TCF20: variants seen among roughly 807,000 people sequenced by gnomAD.
TCF20 encodes the protein transcription factor 20.
A neutral mutation model predicts 148.6 loss-of-function variants in TCF20; 3 were observed. The ratio of observed to expected loss-of-function variants is 0.02; its 90% CI spans 0.01 to 0.05. TCF20 has a LOEUF of 0.05. TCF20 is among the 10% of genes least tolerant of loss of function. TCF20 has a pLI of 1.00. For missense variants in TCF20, 2,350 were observed against 2,429.3 expected, an observed-to-expected ratio of 0.97 and a Z score of 0.69; for synonymous variants, 1,049 against 909.5, an observed-to-expected ratio of 1.15 and a Z score of -2.76.
chr22:42,250,446 CAAAA>C (rs35668152), intron 1 of TCF20, among the ~76,000 whole-genome samples: 1 of 76,284 alleles, frequency 1.3e-5, no homozygotes, highest in Non-Finnish European at 2.6e-5. Context: ...AACTCCATCT[CAAAA>C]AAAAAAAAAA....
chr22:42,307,546 C>T (rs143027834), intron 1 of TCF20, among the ~76,000 whole-genome samples: 102 of 152,328 alleles, frequency 6.7e-4, no homozygotes, highest in Middle Eastern at 3.4e-3. Flanking sequence ...ATCTCTCTCC[C>T]GGCCAAGGGC....
rs1921146718 is a variant in TCF20, at chr22:42,212,819, A to AGGAGCTGTGCTGCTT, written c.2472_2486dup (p.Ser825_Pro829dup). 28 of 1,614,258 alleles carry AGGAGCTGTGCTGCTT rather than the reference A, an allele frequency of 1.7e-5. No individual in the cohort carries two copies. Among genetic ancestry groups the AGGAGCTGTGCTGCTT allele is most frequent in the Non-Finnish European group, 2.2e-5 (26 of 1,180,040 alleles). ...CAGTCAAATTGATCTGTTTCATTTC[A>AGGAGCTGTGCTGCTT]GGAGCTGTGCTGCTTGATTTCCTTT... is the stretch of plus-strand genomic sequence containing the variant. On this transcript the variant is annotated inframe_insertion, in exon 2 of 6. Transcript: ENST00000677622.
intron 1 of TCF20, among the ~76,000 whole-genome samples, chr22:42,341,239 C>CTAAT: frequency 6.6e-6 from 1 of 152,316 alleles, no homozygotes; most frequent in South Asian, 2.1e-4. Context: ...CGCCGTCACC[C>CTAAT]CGGGGGACAC....
At position 42,214,371 on chromosome 22, in the gene TCF20, C is replaced by T; in HGVS notation, c.935G>A (p.Gly312Glu). 6.2e-7 allele frequency: 1 copy of T among 1,613,680 alleles called. No homozygotes were observed. The highest frequency in any genetic ancestry group is 8.5e-7 in the Non-Finnish European group (1 of 1,179,910). ...TTGCTGCGGTTGCTGCTGCTGCTGC[C>T]CCTGTTGGGTCCCTTGTGGAATCTT... Reference protein sequence around the residue: ...QAKIPQGTQQGQQQQQPQQQQ... With the variant: ...QAKIPQGTQQEQQQQQPQQQQ... Residue 312 changes from glycine (G) to glutamate (E), a missense_variant, in exon 2 of 6, where the codon GGG becomes GAG. By Grantham distance (98) the Gly-to-Glu change is moderately conservative. Coordinates refer to ENST00000677622, the MANE Select transcript of TCF20 (RefSeq NM_001378418.1).
chr22:42,270,504 C>G lies in TCF20; in HGVS notation c.-202G>C, dbSNP rs1926552946. Among the ~76,000 whole-genome samples, 2 of 144,200 alleles carry G rather than the reference C, an allele frequency of 1.4e-5. No individual in the cohort carries two copies. Among genetic ancestry groups the G allele is most frequent in the Non-Finnish European group, 3.1e-5 (2 of 65,052 alleles). The allele number at this position is 144,200 out of a possible 152,430, so 94.6% of individuals were successfully genotyped here. ...GGGGCGGGCCGGGGCCGCGGCCCCT[C>G]GAGGCTCGCTCCGGCCCGCGCGCTC... On this transcript the variant is annotated 5_prime_UTR_variant, in exon 1 of 6. Coordinates refer to ENST00000677622, the MANE Select transcript of TCF20 (RefSeq NM_001378418.1).
intron 1 of TCF20, among the ~76,000 whole-genome samples, chr22:42,241,333 A>C (rs985326276): frequency 6.6e-6 from 1 of 152,228 alleles, no homozygotes; most frequent in Non-Finnish European, 1.5e-5. Flanking sequence ...TTATAGATCC[A>C]AAGGAACTCC....
At chr22:42,193,458 A>C (rs113036988) in intron 2 of TCF20, among the ~76,000 whole-genome samples, 2,792 of 151,876 alleles carry the variant, frequency 0.018, 45 homozygotes, top group Middle Eastern at 0.065. Context: ...CTACTTCCTT[A>C]GTAGCTGGGA....
At chr22:42,307,142 G>A (rs1398063853) in intron 1 of TCF20, among the ~76,000 whole-genome samples, 1 of 152,180 alleles carries the variant, frequency 6.6e-6, no homozygotes, top group Non-Finnish European at 1.5e-5. Flanking sequence ...GACAGCATGG[G>A]GTTGCCCCTG....
intron 1 of TCF20, among the ~76,000 whole-genome samples, chr22:42,222,489 C>G (rs552982802): frequency 3.4e-5 from 4 of 117,366 alleles, no homozygotes; most frequent in African/African-American, 1.0e-4. Flanking sequence ...CACCATCACA[C>G]CCCCCCATAG....
At chr22:42,192,564 TAGC>T (rs954815967) in intron 2 of TCF20, among the ~76,000 whole-genome samples, 7 of 152,224 alleles carry the variant, frequency 4.6e-5, no homozygotes, top group Middle Eastern at 3.4e-3. Context: ...GCTCAGGAAA[TAGC>T]AGAGTCCCAG....
intron 1 of TCF20, among the ~76,000 whole-genome samples, chr22:42,311,049 C>T (rs910880498): frequency 1.3e-5 from 2 of 152,188 alleles, no homozygotes; most frequent in Admixed American, 6.5e-5. Context: ...AAGGCTGGCC[C>T]GGTGGCATCC....
Position 42,161,280 on chromosome 22 carries a change from G to T in TCF20, c.*123C>A. The T allele has an allele frequency of 6.2e-7, 1 of 1,610,060 alleles. No homozygotes were observed. Among genetic ancestry groups the T allele is most frequent in the East Asian group, 2.2e-5 (1 of 44,850 alleles). On this transcript the variant is annotated 3_prime_UTR_variant, in exon 6 of 6. Coordinates refer to ENST00000677622, the MANE Select transcript of TCF20 (RefSeq NM_001378418.1). ...CACGCGGGCGGGGCGGGGCGGGGCA[G>T]GGCAGGGTGTGGCTGCACGGTAGGA...
intron 2 of TCF20, among the ~76,000 whole-genome samples, chr22:42,181,641 T>C (rs183032607): frequency 6.6e-6 from 1 of 150,786 alleles, no homozygotes; most frequent in Admixed American, 6.6e-5. Flanking sequence ...GATGTCTTGC[T>C]CTGTCACCCA....
intron 1 of TCF20, among the ~76,000 whole-genome samples, chr22:42,236,994 GCTGA>G (rs1923948389): frequency 6.6e-6 from 1 of 152,200 alleles, no homozygotes; most frequent in Admixed American, 6.5e-5. Context: ...GTTGATGGCT[GCTGA>G]CTAATTAGGG....
At chr22:42,260,582 A>T (rs5758687) in intron 1 of TCF20, among the ~76,000 whole-genome samples, 29,896 of 152,118 alleles carry the variant, frequency 0.2, 3,149 homozygotes, top group East Asian at 0.34. Context: ...CACAGCTCGC[A>T]GATGCAATAC....
At chr22:42,162,811 G>A (rs1032321314) in intron 5 of TCF20, among the ~76,000 whole-genome samples, 24 of 152,184 alleles carry the variant, frequency 1.6e-4, no homozygotes, top group Non-Finnish European at 3.4e-4. Context: ...GGGCCTGCGG[G>A]AGCTAAGATT....
chr22:42,192,152 G>A (rs984097446), intron 2 of TCF20, among the ~76,000 whole-genome samples: 3 of 152,106 alleles, frequency 2.0e-5, no homozygotes, highest in African/African-American at 7.2e-5. Context: ...TCCTACCCAG[G>A]AGTTGGGTCT....
chr22:42,244,492 G>T (rs1924740063), intron 1 of TCF20, among the ~76,000 whole-genome samples: 1 of 152,182 alleles, frequency 6.6e-6, no homozygotes, highest in African/African-American at 2.4e-5. Context: ...ATACAATGTA[G>T]ATAAATCTCA....
In TCF20 at chr22:42,247,756, G is replaced by A. The variant is rs1351551257; in HGVS notation, c.-37+22583C>T. On this transcript the variant is annotated intron_variant, in intron 1 of 5. Transcript: ENST00000677622. ...GGTTACTATTCACGAAGCTACAAGA[G>A]CTCAGGCAGGTCCAGCACCATGCTC... 2.0e-5 allele frequency among the ~76,000 whole-genome samples: 3 copies of A among 151,846 alleles called. No individual in the cohort carries two copies. In the East Asian group the frequency reaches 5.8e-4, roughly 29 times the overall value.
Sources: gnomAD v4.1 joint callset for allele counts (sites outside exome capture counted in the v4.1 genomes callset) on GRCh38, gnomAD v4.1.1 for gene constraint, MANE v1.5 for transcripts, NCBI Gene and HGNC (gene_info 2026-07-23, HGNC 2026-07-21) for gene names.